RGS7: variants seen among roughly 807,000 people sequenced by gnomAD.
RGS7 encodes the protein regulator of G protein signaling 7, also known as regulator of G-protein signaling 7.
Under a neutral mutation model 81.1 loss-of-function variants are expected in RGS7, and 27 were observed. That is an observed-to-expected ratio of 0.33 (90% confidence interval 0.25 to 0.46). The LOEUF is 0.46. RGS7 is among the 20% of genes least tolerant of loss of function. The pLI is 1.00. For missense variants in RGS7, 396 were observed against 607.4 expected (o/e 0.65, Z 3.66); for synonymous variants, 208 against 207.7 (o/e 1.00, Z -0.01).
chr1:241,236,065 G>C (rs972652121), intron 2 of RGS7, among the ~76,000 whole-genome samples: 16 of 152,078 alleles, frequency 1.1e-4, no homozygotes, highest in African/African-American at 3.9e-4. Context: ...TTGAGACCAT[G>C]AGATGACAAG....
intron 2 of RGS7, among the ~76,000 whole-genome samples, chr1:241,143,046 G>A (rs960036583): frequency 1.3e-5 from 2 of 152,076 alleles, no homozygotes; most frequent in Non-Finnish European, 2.9e-5. Context: ...ACATAACAAG[G>A]GTCATCTTTG....
intron 18 of RGS7, among the ~76,000 whole-genome samples, chr1:240,793,614 T>A (rs1454527127): frequency 3.0e-4 from 39 of 130,118 alleles, no homozygotes; most frequent in East Asian, 6.4e-4. Flanking sequence ...TATATATATT[T>A]TTTTTTTTTT....
At chr1:241,327,134 GAAAGAAAGA>G (rs2081631371) in intron 2 of RGS7, among the ~76,000 whole-genome samples, 7 of 100,722 alleles carry the variant, frequency 6.9e-5, no homozygotes, top group South Asian at 3.5e-4. Flanking sequence ...AAGAAAGAAA[GAAAGAAAGA>G]AAGGAAAGAA....
At chr1:241,182,937 C>T (rs2071762137) in intron 2 of RGS7, among the ~76,000 whole-genome samples, 2 of 146,894 alleles carry the variant, frequency 1.4e-5, no homozygotes, top group Non-Finnish European at 1.5e-5. Context: ...GCCTCCCAAA[C>T]GTTTTTCTTT....
intron 6 of RGS7, among the ~76,000 whole-genome samples, chr1:240,925,588 A>C (rs550266772): frequency 3.9e-5 from 6 of 152,336 alleles, no homozygotes; most frequent in Middle Eastern, 3.4e-3. Context: ...TGATGAACAC[A>C]TAAGTGCACA....
chr1:241,167,409 A>G (rs1004666796), intron 2 of RGS7, among the ~76,000 whole-genome samples: 1 of 152,178 alleles, frequency 6.6e-6, no homozygotes, highest in African/African-American at 2.4e-5. Context: ...GCCTGCCTTG[A>G]GATCCGGTGG....
chr1:240,963,400 A>C (rs570069107), intron 4 of RGS7, among the ~76,000 whole-genome samples: 1 of 152,324 alleles, frequency 6.6e-6, no homozygotes, highest in African/African-American at 2.4e-5. Context: ...CCAAGAAATA[A>C]GAAATCTCAT....
At chr1:241,291,777 T>C (rs930388202) in intron 2 of RGS7, among the ~76,000 whole-genome samples, 6 of 151,988 alleles carry the variant, frequency 3.9e-5, no homozygotes, top group African/African-American at 9.7e-5. Flanking sequence ...GGTTTTGCCA[T>C]GTTGGGCAGG....
chr1:241,230,720 C>A (rs1219235067), intron 2 of RGS7, among the ~76,000 whole-genome samples: 1 of 152,110 alleles, frequency 6.6e-6, no homozygotes, highest in Non-Finnish European at 1.5e-5. Context: ...GGGACCAGGC[C>A]CCCTTCACCC....
intron 6 of RGS7, among the ~76,000 whole-genome samples, chr1:240,912,073 C>T (rs1671845002): frequency 7.1e-6 from 1 of 141,784 alleles, no homozygotes; most frequent in Non-Finnish European, 1.5e-5. Context: ...ATGGCGTGAA[C>T]CCATGAGGCG....
intron 9 of RGS7, among the ~76,000 whole-genome samples, chr1:240,837,234 G>A (rs1694865358): frequency 6.6e-6 from 1 of 152,232 alleles, no homozygotes; most frequent in African/African-American, 2.4e-5. Flanking sequence ...CAAAAGGCCT[G>A]AGGCAAGTAA....
In RGS7 at chr1:241,131,190, T is replaced by C. The variant is rs980989097; in HGVS notation, c.79-32428A>G. Among the ~76,000 whole-genome samples, 40 of 152,202 alleles carry C rather than the reference T, an allele frequency of 2.6e-4. 1 individual carries two copies. Among genetic ancestry groups the C allele is most frequent in the Non-Finnish European group, 1.0e-4 (7 of 68,040 alleles). On this transcript the variant is annotated intron_variant, in intron 2 of 18. Coordinates refer to ENST00000440928, the MANE Select transcript of RGS7 (RefSeq NM_001364886.1). Reference sequence around the variant, plus strand: ...TTTCCAGTGTCATGCATGAGTCATATTGATTCTCAAATTAAACTAAACACC... The same window carrying C: ...TTTCCAGTGTCATGCATGAGTCATACTGATTCTCAAATTAAACTAAACACC...
intron 2 of RGS7, among the ~76,000 whole-genome samples, chr1:241,275,804 C>T (rs2078162850): frequency 6.6e-6 from 1 of 152,210 alleles, no homozygotes. Context: ...TCATCTCTAA[C>T]CATCACTTGC....
At chr1:241,327,121 A>AGAAG (rs1553320814) in intron 2 of RGS7, among the ~76,000 whole-genome samples, 8 of 111,566 alleles carry the variant, frequency 7.2e-5, no homozygotes, top group African/African-American at 2.7e-4. Context: ...AAAGAAAGAA[A>AGAAG]GAAAGAAAGA....
chr1:241,043,128 T>C lies in RGS7; in HGVS notation c.175+55538A>G, dbSNP rs577937480. The stretch of plus-strand genomic sequence containing the variant: ...TACTAGTCCACTCATTCTACACGAG[T>C]TTTTGAAATTATTATCACTTTCCAG... On this transcript the variant is annotated intron_variant, in intron 3 of 18. Coordinates refer to ENST00000440928, the MANE Select transcript of RGS7 (RefSeq NM_001364886.1). Among the ~76,000 whole-genome samples, 4 of 152,190 alleles carry C rather than the reference T, an allele frequency of 2.6e-5. No individual in the cohort carries two copies. In the South Asian group the frequency reaches 8.3e-4, roughly 32 times the overall value.
intron 2 of RGS7, among the ~76,000 whole-genome samples, chr1:241,146,570 G>C (rs1336756897): frequency 6.6e-6 from 1 of 152,172 alleles, no homozygotes; most frequent in Non-Finnish European, 1.5e-5. Context: ...TCTTTCACAA[G>C]AGCTGACCTC....
intron 2 of RGS7, among the ~76,000 whole-genome samples, chr1:241,157,983 AT>A (rs1217879499): frequency 3.2e-4 from 47 of 145,828 alleles, no homozygotes; most frequent in East Asian, 4.0e-4. Flanking sequence ...CGCCTGGCTA[AT>A]TTTTTTTTTT....
At chr1:240,892,295 T>A (rs1668404991) in intron 6 of RGS7, among the ~76,000 whole-genome samples, 2 of 152,190 alleles carry the variant, frequency 1.3e-5, no homozygotes, top group South Asian at 4.1e-4. Context: ...TCTGGAAATT[T>A]TGATGTATTT....
chr1:241,049,672 C>G (rs1403774992), intron 3 of RGS7, among the ~76,000 whole-genome samples: 1 of 152,088 alleles, frequency 6.6e-6, no homozygotes, highest in Non-Finnish European at 1.5e-5. Flanking sequence ...TGCAGACCCA[C>G]CAGGAACTAA....
Sources: allele counts gnomAD v4.1 joint callset (sites outside exome capture counted in the v4.1 genomes callset), GRCh38; gene constraint gnomAD v4.1.1; transcripts MANE v1.5; gene names NCBI Gene and HGNC (gene_info 2026-07-23, HGNC 2026-07-21).